The following CPEB1 variants were observed in gnomAD, a reference collection of about 807,000 sequenced individuals.
CPEB1 encodes cytoplasmic polyadenylation element-binding protein 1.
Under a neutral mutation model 65.8 loss-of-function variants are expected in CPEB1, and 7 were observed. The ratio of observed to expected loss-of-function variants is 0.11; its 90% confidence interval spans 0.06 to 0.20. The LOEUF is 0.20. Among genes scored for constraint, CPEB1 ranks in the 10% least tolerant of loss-of-function variants. CPEB1 has a pLI of 1.00. For synonymous variants in CPEB1, 262 were observed against 260.0 expected, an observed-to-expected ratio of 1.01 and a Z score of -0.08; for missense variants, 551 against 712.2, an observed-to-expected ratio of 0.77 and a Z score of 2.58.
chr15:82,617,738 T>TTC, intron 3 of CPEB1, among the ~76,000 whole-genome samples: 1 of 131,358 alleles, frequency 7.6e-6, no homozygotes, highest in East Asian at 2.1e-4. Context: ...TTTTTTTTTT[T>TTC]TTTTTTTTTT....
At chr15:82,545,667 T>C (rs2035055263) in intron 12 of CPEB1, among the ~76,000 whole-genome samples, 2 of 152,186 alleles carry the variant, frequency 1.3e-5, no homozygotes, top group South Asian at 4.1e-4. Context: ...CCCAGGAACA[T>C]TCAATAGAAA....
chr15:82,584,621 T>C (rs1476374609), intron 3 of CPEB1, among the ~76,000 whole-genome samples: 1 of 143,572 alleles, frequency 7.0e-6, no homozygotes, highest in Non-Finnish European at 1.5e-5. Flanking sequence ...GAGGTTACAG[T>C]GAGCCAAGAT....
intron 4 of CPEB1, among the ~76,000 whole-genome samples, chr15:82,569,976 C>T (rs2039764312): frequency 6.6e-6 from 1 of 152,166 alleles, no homozygotes; most frequent in African/African-American, 2.4e-5. Flanking sequence ...AACAGTGATA[C>T]CATACTTCCT....
chr15:82,618,222 T>C (rs572216307), intron 3 of CPEB1, among the ~76,000 whole-genome samples: 2 of 152,326 alleles, frequency 1.3e-5, no homozygotes, highest in African/African-American at 4.8e-5. Context: ...ACAGTTTCAG[T>C]TATTCAACAT....
chr15:82,554,104 A>T, intron 6 of CPEB1, 113 bp from the exon 7 acceptor site: 1 of 598,916 alleles, frequency 1.7e-6, no homozygotes, highest in Non-Finnish European at 2.9e-6. Context: ...ATCCTTGCCC[A>T]GATGCCTGAG....
chr15:82,621,641 A>G (rs1035746836), intron 3 of CPEB1, among the ~76,000 whole-genome samples: 3 of 151,930 alleles, frequency 2.0e-5, no homozygotes, highest in Non-Finnish European at 4.4e-5. Flanking sequence ...AAAAAATCTA[A>G]CATCAGGCTA....
intron 3 of CPEB1, among the ~76,000 whole-genome samples, chr15:82,610,851 T>C (rs2044062357): frequency 6.8e-6 from 1 of 146,448 alleles, no homozygotes; most frequent in Admixed American, 7.1e-5. Flanking sequence ...CCAGCTACTC[T>C]GGAGGCTGAG....
intron 3 of CPEB1, among the ~76,000 whole-genome samples, chr15:82,599,481 T>G (rs951947178): frequency 1.3e-5 from 2 of 152,146 alleles, no homozygotes; most frequent in African/African-American, 4.8e-5. Flanking sequence ...TAAAAGCATC[T>G]GAAATCTTAC....
chr15:82,629,776 GC>G lies in CPEB1; in HGVS notation c.-97-1221del, dbSNP rs985322664. On this transcript the variant is annotated intron_variant, in intron 1 of 12. Transcript: ENST00000684509. ...TCACATCAAAACAAAACAAGAAGAGGCCCAATGTCATTTTGTTTGGCCTACT... is the reference window on the plus strand; with the variant it reads ...TCACATCAAAACAAAACAAGAAGAGGCCAATGTCATTTTGTTTGGCCTACT... 7.1e-6 allele frequency: 7 copies of G among 985,308 alleles called. No individual in the cohort carries two copies. The Admixed American group carries it at 4.3e-4, about 61-fold the overall frequency. The allele number at this position is 985,308 out of a possible 1,614,324, so 61.0% of individuals were successfully genotyped here.
intron 3 of CPEB1, among the ~76,000 whole-genome samples, chr15:82,607,130 A>C (rs1034066771): frequency 4.6e-5 from 7 of 151,244 alleles, no homozygotes; most frequent in Non-Finnish European, 8.8e-5. Context: ...GACACAAGAC[A>C]TATGGAAAAC....
At chr15:82,608,109 C>T (rs923935154) in intron 3 of CPEB1, among the ~76,000 whole-genome samples, 1 of 152,252 alleles carries the variant, frequency 6.6e-6, no homozygotes, top group African/African-American at 2.4e-5. Flanking sequence ...TGCTTTCTTT[C>T]AAGCATGCAG....
At chr15:82,555,839 C>A in intron 6 of CPEB1, 31 bp downstream of exon 6, 1 of 1,589,182 alleles carries the variant, frequency 6.3e-7, no homozygotes, top group South Asian at 1.2e-5. Flanking sequence ...AATGAGGCCT[C>A]AGGCCTCACA....
intron 3 of CPEB1, among the ~76,000 whole-genome samples, chr15:82,609,094 A>C (rs930924680): frequency 6.6e-6 from 1 of 152,248 alleles, no homozygotes; most frequent in African/African-American, 2.4e-5. Context: ...TCATCAATGG[A>C]TCGAAGAAGA....
At chr15:82,585,310 T>TG (rs2041702709) in intron 3 of CPEB1, among the ~76,000 whole-genome samples, 1 of 152,142 alleles carries the variant, frequency 6.6e-6, no homozygotes, top group African/African-American at 2.4e-5. Context: ...TTCTCCAAAG[T>TG]GGAAGTAATA....
At chr15:82,550,637 A>G (rs1200671916) in intron 9 of CPEB1, among the ~76,000 whole-genome samples, 1 of 152,204 alleles carries the variant, frequency 6.6e-6, no homozygotes, top group East Asian at 1.9e-4. Context: ...TGCCCACAAA[A>G]GAGTTTGGGA....
intron 1 of CPEB1, among the ~76,000 whole-genome samples, chr15:82,634,499 A>G (rs924592970): frequency 6.6e-6 from 1 of 152,224 alleles, no homozygotes; most frequent in African/African-American, 2.4e-5. Flanking sequence ...AATGGACAAC[A>G]TAATACCAAT....
rs531425734 is a variant in CPEB1, at chr15:82,634,593, A to C, written c.-97-6037T>G. Among the ~76,000 whole-genome samples, 10 of 152,344 alleles carry C rather than the reference A, an allele frequency of 6.6e-5. No individual in the cohort carries two copies. In the East Asian group the frequency reaches 1.9e-3, roughly 29 times the overall value. On this transcript the variant is annotated intron_variant, in intron 1 of 12. Coordinates refer to ENST00000684509, the MANE Select transcript of CPEB1 (RefSeq NM_001365242.1). ...GAGAAATTTATAGAAGACTGTTTGAAGGGCCCAAGGTTTACTCAGTCCTCC... is the reference window on the plus strand; with the variant it reads ...GAGAAATTTATAGAAGACTGTTTGACGGGCCCAAGGTTTACTCAGTCCTCC...
chr15:82,593,213 T>G (rs1416516593), intron 3 of CPEB1, among the ~76,000 whole-genome samples: 1 of 152,238 alleles, frequency 6.6e-6, no homozygotes, highest in Admixed American at 6.5e-5. Flanking sequence ...TATCATGTGA[T>G]GCTGTTTGAT....
intron 3 of CPEB1, among the ~76,000 whole-genome samples, chr15:82,617,533 A>G (rs933942280): frequency 6.6e-6 from 1 of 152,144 alleles, no homozygotes; most frequent in African/African-American, 2.4e-5. Flanking sequence ...CAGAAAAAGC[A>G]CATTAGGTAA....
Sources: allele counts gnomAD v4.1 joint callset (sites outside exome capture counted in the v4.1 genomes callset), GRCh38; gene constraint gnomAD v4.1.1; transcripts MANE v1.5; gene names NCBI Gene and HGNC (gene_info 2026-07-23, HGNC 2026-07-21).